AHCTF1: variants seen among roughly 807,000 people sequenced by gnomAD.
The protein encoded by AHCTF1 is protein ELYS.
Under a neutral mutation model 248.4 loss-of-function variants are expected in AHCTF1, and 24 were observed. That is an observed-to-expected ratio of 0.10 (90% CI 0.07 to 0.14). The LOEUF is 0.14. Among genes scored for constraint, AHCTF1 ranks in the 10% least tolerant of loss-of-function variants. The pLI is 1.00. For synonymous variants in AHCTF1, 786 were observed against 929.8 expected (o/e 0.85, Z 2.81); for missense variants, 2,206 against 2,636.2 (o/e 0.84, Z 3.57).
At position 246,851,414 on chromosome 1, in the gene AHCTF1, T is replaced by C; in HGVS notation, c.4592A>G (p.Gln1531Arg). The C allele has an allele frequency of 6.2e-7, 1 of 1,610,418 alleles. No homozygotes were observed. The highest frequency in any genetic ancestry group is 8.5e-7 in the Non-Finnish European group (1 of 1,178,012). ...HVIEQEKLEA[Q>R]DSGEEARNLS... ...ATTCCTAGCCTCTTCTCCTGAATCT[T>C]GAGCTTCAAGCTTTTCTTGTTCAAT... Residue 1531 changes from glutamine (Q) to arginine (R), a missense_variant, in exon 33 of 36, where the codon CAA (glutamine) becomes CGA (arginine). Physicochemically the swap from Gln to Arg is conservative, Grantham distance 43. Transcript: ENST00000648844.
At chr1:246,874,835 C>G (rs1463175133) in intron 24 of AHCTF1, among the ~76,000 whole-genome samples, 1 of 152,120 alleles carries the variant, frequency 6.6e-6, no homozygotes, top group Non-Finnish European at 1.5e-5. Context: ...AAAACCTGAC[C>G]TCCGGCTCTC....
At chr1:246,911,932 T>C (rs1427963107) in intron 4 of AHCTF1, among the ~76,000 whole-genome samples, 5 of 152,112 alleles carry the variant, frequency 3.3e-5, no homozygotes, top group African/African-American at 1.2e-4. Flanking sequence ...ACTTGCAGTT[T>C]TTTTGTTTTT....
chr1:246,851,407 T>C lies in AHCTF1; in HGVS notation c.4599A>G (p.Ser1533=), dbSNP rs1558212724. ...IEQEKLEAQD[S]GEEARNLSFN... ...ATGAAAGATTCCTAGCCTCTTCTCC[T>C]GAATCTTGAGCTTCAAGCTTTTCTT... The change falls in exon 33 of 36, where the codon TCA becomes TCG. Residue 1533 remains serine (S), a synonymous_variant. Transcript: ENST00000648844. 5.6e-6 allele frequency: 9 copies of C among 1,611,938 alleles called. No homozygotes were observed. The highest frequency in any genetic ancestry group is 7.6e-6 in the Non-Finnish European group (9 of 1,178,780).
intron 11 of AHCTF1, among the ~76,000 whole-genome samples, chr1:246,899,077 G>A (rs1033428387): frequency 3.3e-5 from 5 of 152,110 alleles, no homozygotes; most frequent in Admixed American, 1.3e-4. Flanking sequence ...CAACAAGAGC[G>A]AAACTCCGTC....
At chr1:246,857,925 A>T in intron 29 of AHCTF1, 111 bp from the exon 30 acceptor site, 1 of 938,382 alleles carries the variant, frequency 1.1e-6, no homozygotes, top group Non-Finnish European at 1.6e-6. Context: ...TTGTTCTTTT[A>T]GGTTTGCTGC....
intron 10 of AHCTF1, among the ~76,000 whole-genome samples, chr1:246,899,743 G>A (rs773032679): frequency 2.9e-4 from 44 of 152,038 alleles, no homozygotes; most frequent in Non-Finnish European, 4.4e-4. Context: ...AAGCACAGCT[G>A]AGAAACACAG....
rs1485993213 is a variant in AHCTF1 at position 246,887,255 on chromosome 1, T to C, written c.2428A>G (p.Lys810Glu). The C allele has an allele frequency of 6.2e-7, 1 of 1,613,642 alleles. No homozygotes were observed. The highest frequency in any genetic ancestry group is 8.5e-7 in the Non-Finnish European group (1 of 1,179,758). ...TVFAISWGQVKLIQGFWLIDH... is the reference protein window; with the variant it reads ...TVFAISWGQVELIQGFWLIDH... ...ATCAACCAAAACCCCTGAATAAGTTTAACTTGGCCCCAAGAAATGGCAAAT... is the reference window on the plus strand; with the variant it reads ...ATCAACCAAAACCCCTGAATAAGTTCAACTTGGCCCCAAGAAATGGCAAAT... Residue 810 changes from lysine to glutamate, a missense_variant, in exon 20 of 36, where the codon AAA (lysine) becomes GAA (glutamate). Coordinates refer to ENST00000648844, the MANE Select transcript of AHCTF1 (RefSeq NM_001323342.2).
intron 24 of AHCTF1, among the ~76,000 whole-genome samples, 177 bp from the exon 25 acceptor site, chr1:246,867,988 A>T (rs915094495): frequency 7.0e-6 from 1 of 143,784 alleles, no homozygotes; most frequent in Admixed American, 7.2e-5. Flanking sequence ...CTTTTAGACC[A>T]GTCTTGCTGT....
chr1:246,913,761 T>C, intron 3 of AHCTF1, among the ~76,000 whole-genome samples: 1 of 152,182 alleles, frequency 6.6e-6, no homozygotes, highest in East Asian at 1.9e-4. Context: ...ACCTGAGGCT[T>C]AGAAAGTCAG....
chr1:246,855,870 C>G, intron 30 of AHCTF1, 43 bp from the exon 31 acceptor site: 1 of 1,499,022 alleles, frequency 6.7e-7, no homozygotes, highest in Non-Finnish European at 9.2e-7. Context: ...AAGAAGATCC[C>G]ATCTGCTTTA....
intron 24 of AHCTF1, among the ~76,000 whole-genome samples, chr1:246,869,248 CTG>C (rs1662370092): frequency 1.3e-5 from 2 of 152,108 alleles, no homozygotes; most frequent in Admixed American, 6.5e-5. Flanking sequence ...CACTGACTAA[CTG>C]TTCCCCCGCG....
chr1:246,849,720 T>G lies in AHCTF1; in HGVS notation c.6286A>C (p.Ser2096Arg), dbSNP rs1455005215. ...GCCTTGCTAGACCGAGTCCTGCTGC[T>G]GCGGGATGATTTAGTGAAGGAAGCT... ...ATASFTKSSR[S>R]SRTRSSKAIL... is the part of the protein sequence containing the mutation. The change falls in exon 33 of 36, where the codon AGC (serine) becomes CGC (arginine). Residue 2096 changes from serine to arginine, a missense_variant. This residue lies in a region of AHCTF1 where 469 missense variants were observed against 470.0 expected (regional missense o/e 1.00). Transcript: ENST00000648844. The G allele has an allele frequency of 1.8e-5, 29 of 1,613,900 alleles. No homozygotes were observed. Among genetic ancestry groups the G allele is most frequent in the Non-Finnish European group, 2.5e-5 (29 of 1,179,882 alleles).
rs769345120 is a variant in AHCTF1 at position 246,885,565 on chromosome 1, A to C, written c.2588T>G (p.Ile863Ser). 3.1e-5 allele frequency: 50 copies of C among 1,612,174 alleles called. No individual in the cohort carries two copies. The East Asian group carries it at 1.1e-3, about 35-fold the overall frequency. ...GGACACTGTTGGCTTCATTGTCTGA[A>C]TATATCTGAGGGCTTGTCTGTGCTC... ...QGEHRQALRY[I>S]QTMKPTVSSG... Residue 863 changes from isoleucine (I) to serine (S), a missense_variant, in exon 21 of 36, where the codon ATT becomes AGT. Ile to Ser is a moderately radical substitution (Grantham distance 142, BLOSUM62 -2). This residue lies in a region of AHCTF1 where 650 missense variants were observed against 870.8 expected (regional missense o/e 0.75). Coordinates refer to ENST00000648844, the MANE Select transcript of AHCTF1 (RefSeq NM_001323342.2).
intron 24 of AHCTF1, among the ~76,000 whole-genome samples, chr1:246,868,128 A>ATT (rs1028892311): frequency 0.016 from 2,133 of 133,782 alleles, 72 homozygotes; most frequent in African/African-American, 0.056. Flanking sequence ...AGCCCGGCTA[A>ATT]TTTTTTTTTT....
At chr1:246,891,157 A>C in intron 15 of AHCTF1, 97 bp from the exon 16 acceptor site, 1 of 681,920 alleles carries the variant, frequency 1.5e-6, no homozygotes, top group Non-Finnish European at 2.4e-6. Context: ...CATAATTTGT[A>C]AATATATATT....
chr1:246,879,186 T>C (rs537373241), intron 21 of AHCTF1, among the ~76,000 whole-genome samples: 47 of 151,736 alleles, frequency 3.1e-4, no homozygotes, highest in Non-Finnish European at 5.4e-4. Flanking sequence ...ACAAAAGAAA[T>C]AGCTCTTTAA....
At chr1:246,880,207 A>C (rs1025367609) in intron 21 of AHCTF1, among the ~76,000 whole-genome samples, 2 of 151,216 alleles carry the variant, frequency 1.3e-5, no homozygotes, top group African/African-American at 4.9e-5. Context: ...TTATTATCAA[A>C]AACAATATGT....
rs769116967 is a variant in AHCTF1 at position 246,876,068 on chromosome 1, A to G, written c.3057T>C (p.Tyr1019=). The change falls in exon 24 of 36, where the codon TAT becomes TAC. Residue 1019 remains tyrosine (Y), a synonymous_variant. Transcript: ENST00000648844. Reference sequence around the variant, plus strand: ...GAAAAACTGATGATGTTGACAGATGATAAGGCTTAGCTCGTTCAATGGCTA... The same window carrying G: ...GAAAAACTGATGATGTTGACAGATGGTAAGGCTTAGCTCGTTCAATGGCTA... ...RKLAIERAKP[Y]HLSTSSVFRL... is the part of the protein sequence containing the mutation. 3 of 1,605,214 alleles carry G rather than the reference A, an allele frequency of 1.9e-6. No individual in the cohort carries two copies. Among genetic ancestry groups the G allele is most frequent in the Non-Finnish European group, 2.6e-6 (3 of 1,175,800 alleles).
At chr1:246,842,221 G>C (rs1470020024) in intron 35 of AHCTF1, among the ~76,000 whole-genome samples, 1 of 152,048 alleles carries the variant, frequency 6.6e-6, no homozygotes, top group Non-Finnish European at 1.5e-5. Context: ...TTTCTGATGA[G>C]CTTAATTTCC....
Sources: gnomAD v4.1 joint callset for allele counts (sites outside exome capture counted in the v4.1 genomes callset) on GRCh38, gnomAD v4.1.1 for gene constraint, gnomAD v4.1.1 regional missense constraint, MANE v1.5 for transcripts, NCBI Gene and HGNC (gene_info 2026-07-23, HGNC 2026-07-21) for gene names.